Variants in COL25A1 observed in about 807,000 individuals in gnomAD.
The protein encoded by COL25A1 is collagen alpha-1(XXV) chain.
In COL25A1, 103 loss-of-function variants were observed where a neutral mutation model predicts 128.4. The ratio of observed to expected loss-of-function variants is 0.80; its 90% CI spans 0.68 to 0.94. The LOEUF is 0.94. COL25A1 is among the 40% of genes least tolerant of loss of function. The pLI is 0.00. For missense variants in COL25A1, 745 were observed against 840.0 expected (o/e 0.89, Z 1.40); for synonymous variants, 279 against 277.2 (o/e 1.01, Z -0.06).
chr4:108,865,715 T>C (rs1204173465), intron 20 of COL25A1, among the ~76,000 whole-genome samples: 1 of 152,250 alleles, frequency 6.6e-6, no homozygotes, highest in Non-Finnish European at 1.5e-5. Context: ...ATAATTTATC[T>C]GTAGTTCACC....
At chr4:108,898,977 C>CTATATCTATATATCTA (rs200934434) in intron 15 of COL25A1, among the ~76,000 whole-genome samples, 177 bp downstream of exon 15, 1 of 109,200 alleles carries the variant, frequency 9.2e-6, no homozygotes, top group African/African-American at 3.0e-5. Context: ...GGAGTCATAT[C>CTATATCTATATATCTA]TATATCTATA....
chr4:109,288,154 G>C (rs1322589347), intron 3 of COL25A1, among the ~76,000 whole-genome samples: 1 of 152,130 alleles, frequency 6.6e-6, no homozygotes, highest in African/African-American at 2.4e-5. Context: ...CATTCAAAAA[G>C]TTCCTTCAGT....
At chr4:108,880,570 CT>C (rs1474848593) in intron 19 of COL25A1, among the ~76,000 whole-genome samples, 1 of 152,202 alleles carries the variant, frequency 6.6e-6, no homozygotes. Context: ...ACAGCATTTA[CT>C]ACATGCTTGG....
chr4:109,193,526 T>C (rs1775784216), intron 3 of COL25A1, among the ~76,000 whole-genome samples: 1 of 152,062 alleles, frequency 6.6e-6, no homozygotes, highest in Non-Finnish European at 1.5e-5. Flanking sequence ...CACCTAAAGC[T>C]TGCAGGCAAA....
chr4:109,199,544 A>AT (rs1393702504), intron 3 of COL25A1, among the ~76,000 whole-genome samples: 1 of 150,674 alleles, frequency 6.6e-6, no homozygotes, highest in Admixed American at 6.6e-5. Context: ...ATATAGTATT[A>AT]TTTTCCAGAA....
chr4:109,061,241 C>T (rs1761944632), intron 3 of COL25A1, among the ~76,000 whole-genome samples: 1 of 152,108 alleles, frequency 6.6e-6, no homozygotes, highest in Non-Finnish European at 1.5e-5. Context: ...TCTCCTTTGC[C>T]ATGTATTTGG....
chr4:108,916,176 T>C (rs1392320005), intron 13 of COL25A1, among the ~76,000 whole-genome samples: 1 of 152,208 alleles, frequency 6.6e-6, no homozygotes, highest in Non-Finnish European at 1.5e-5. Context: ...TAGGTTCAAT[T>C]CTCTGAAGGA....
At chr4:108,991,842 A>T (rs889530544) in intron 6 of COL25A1, among the ~76,000 whole-genome samples, 2 of 152,218 alleles carry the variant, frequency 1.3e-5, no homozygotes, top group Non-Finnish European at 2.9e-5. Context: ...GTATATAATT[A>T]AAAACATATG....
chr4:109,214,965 C>T (rs915627070), intron 3 of COL25A1, among the ~76,000 whole-genome samples: 7 of 152,128 alleles, frequency 4.6e-5, no homozygotes, highest in African/African-American at 1.7e-4. Context: ...AGAAGAAAGC[C>T]TAAACGTACA....
At chr4:109,178,610 G>A (rs1176862885) in intron 3 of COL25A1, among the ~76,000 whole-genome samples, 1 of 152,058 alleles carries the variant, frequency 6.6e-6, no homozygotes, top group Admixed American at 6.5e-5. Context: ...AGATCGTGAA[G>A]TCAGGAGATT....
At chr4:109,117,822 G>A (rs1451962910) in intron 3 of COL25A1, among the ~76,000 whole-genome samples, 1 of 151,850 alleles carries the variant, frequency 6.6e-6, no homozygotes, top group Non-Finnish European at 1.5e-5. Flanking sequence ...CTGTGAAGTG[G>A]TGTAGTGTAT....
intron 5 of COL25A1, among the ~76,000 whole-genome samples, chr4:109,016,490 C>G (rs1168769662): frequency 6.6e-6 from 1 of 152,242 alleles, no homozygotes; most frequent in Non-Finnish European, 1.5e-5. Flanking sequence ...CAGGAAAGGC[C>G]TGAAGCCTGG....
chr4:109,274,806 G>A (rs567630502), intron 3 of COL25A1, among the ~76,000 whole-genome samples: 48 of 152,098 alleles, frequency 3.2e-4, no homozygotes, highest in Non-Finnish European at 5.9e-4. Flanking sequence ...CGAAACATAT[G>A]TCTATAATAC....
intron 3 of COL25A1, among the ~76,000 whole-genome samples, chr4:109,203,351 A>G (rs1776721771): frequency 6.6e-6 from 1 of 152,132 alleles, no homozygotes; most frequent in Admixed American, 6.6e-5. Flanking sequence ...CAACCAAACA[A>G]AGACATTTTT....
chr4:109,239,386 GTGTGTGTGTATATA>G (rs1779697180), intron 3 of COL25A1, among the ~76,000 whole-genome samples: 2 of 88,552 alleles, frequency 2.3e-5, no homozygotes, highest in African/African-American at 5.3e-5. Context: ...ATGTGTGTGT[GTGTGTGTGTATATA>G]TATATATATA....
intron 3 of COL25A1, among the ~76,000 whole-genome samples, chr4:109,254,505 A>ATATATATATGTGTG (rs1383703429): frequency 7.9e-4 from 83 of 104,988 alleles, no homozygotes; most frequent in East Asian, 1.5e-3. Context: ...ATATATATAT[A>ATATATATATGTGTG]TGTATGTGTG....
At chr4:109,249,249 T>C (rs1780488062) in intron 3 of COL25A1, among the ~76,000 whole-genome samples, 1 of 152,206 alleles carries the variant, frequency 6.6e-6, no homozygotes, top group Admixed American at 6.5e-5. Context: ...ACATCCCACA[T>C]TGTAATTCCT....
intron 3 of COL25A1, among the ~76,000 whole-genome samples, chr4:109,239,398 A>G (rs956223425): frequency 0.023 from 2,018 of 87,928 alleles, 15 homozygotes; most frequent in Non-Finnish European, 0.029. Context: ...GTGTGTGTAT[A>G]TATATATATA....
At chr4:108,952,350 GA>G (rs1377000609) in intron 8 of COL25A1, among the ~76,000 whole-genome samples, 1 of 151,548 alleles carries the variant, frequency 6.6e-6, no homozygotes, top group Non-Finnish European at 1.5e-5. Flanking sequence ...TTCTTTTCAT[GA>G]AATGAAAAAA....
Sources: gnomAD v4.1 joint callset for allele counts (sites outside exome capture counted in the v4.1 genomes callset) on GRCh38, gnomAD v4.1.1 for gene constraint, MANE v1.5 for transcripts, NCBI Gene and HGNC (gene_info 2026-07-23, HGNC 2026-07-21) for gene names.